Variants in DACH2 observed in about 807,000 individuals in gnomAD.
DACH2 encodes dachshund homolog 2.
A neutral mutation model predicts 35.8 loss-of-function variants in DACH2; 17 were observed. The ratio of observed to expected loss-of-function variants is 0.48; its 90% CI spans 0.33 to 0.71. The LOEUF (loss-of-function observed/expected upper bound fraction) is 0.71. Among genes scored for constraint, DACH2 ranks in the 30% least tolerant of loss-of-function variants. The probability of loss-of-function intolerance (pLI) is 0.02; values close to 1 mark genes in which losing one functional copy is unlikely to be tolerated. For synonymous variants in DACH2, 195 were observed against 177.3 expected, an observed-to-expected ratio of 1.10 and a Z score of -0.79; for missense variants, 469 against 472.7, an observed-to-expected ratio of 0.99 and a Z score of 0.07.
intron 1 of DACH2, among the ~76,000 whole-genome samples, chrX:86,356,980 C>T (rs1238413800): frequency 9.0e-6 from 1 of 111,005 alleles, no homozygotes; most frequent in Non-Finnish European, 1.9e-5. Context: ...TCTGAGTCTC[C>T]ATAGTCCATT....
chrX:86,781,980 G>A (rs942690473), intron 7 of DACH2, among the ~76,000 whole-genome samples: 3 of 112,075 alleles, frequency 2.7e-5, no homozygotes, highest in Non-Finnish European at 5.6e-5. Flanking sequence ...AACAAATTCA[G>A]TAAAGTTGCA....
rs759376672 is a variant in DACH2 at position 86,253,924 on chromosome X, A to G, written c.488+104816A>G. ...TTATATTATTTGTAATTTTTGACAC[A>G]TTGGTTGATAAGCTTCTAATATTTA... On this transcript the variant is annotated intron_variant, in intron 1 of 11. Coordinates refer to ENST00000373125, the MANE Select transcript of DACH2 (RefSeq NM_053281.3). Among the ~76,000 whole-genome samples, 26 of 112,263 alleles carry G rather than the reference A, an allele frequency of 2.3e-4. No homozygotes were observed. The South Asian group carries it at 8.7e-3, about 37-fold the overall frequency.
chrX:86,543,333 G>T (rs760898984), intron 3 of DACH2, among the ~76,000 whole-genome samples: 21 of 111,682 alleles, frequency 1.9e-4, no homozygotes, highest in African/African-American at 6.5e-4. Context: ...GCAATCCAAA[G>T]GATAGCAACT....
intron 1 of DACH2, among the ~76,000 whole-genome samples, chrX:86,248,036 C>T (rs1480923771): frequency 1.8e-5 from 2 of 110,289 alleles, no homozygotes; most frequent in Non-Finnish European, 3.8e-5. Flanking sequence ...TAAAAAAATA[C>T]CTCAAAATAA....
chrX:86,406,535 G>A (rs998122279), intron 2 of DACH2, among the ~76,000 whole-genome samples: 35 of 112,111 alleles, frequency 3.1e-4, no homozygotes, highest in African/African-American at 1.1e-3. Flanking sequence ...AATCTAAAAT[G>A]AAAGTTGAAA....
At chrX:86,183,890 T>C (rs933641322) in intron 1 of DACH2, among the ~76,000 whole-genome samples, 2 of 111,626 alleles carry the variant, frequency 1.8e-5, no homozygotes, top group Non-Finnish European at 3.8e-5. Flanking sequence ...GACTTCTTCC[T>C]GGTTTAGACT....
intron 3 of DACH2, among the ~76,000 whole-genome samples, chrX:86,554,723 C>T (rs1257893964): frequency 9.0e-6 from 1 of 111,473 alleles, no homozygotes; most frequent in Non-Finnish European, 1.9e-5. Flanking sequence ...TTTATCTTCT[C>T]CAAGGAATAT....
chrX:86,673,006 A>G (rs2040782805), intron 4 of DACH2, among the ~76,000 whole-genome samples: 2 of 112,203 alleles, frequency 1.8e-5, no homozygotes, highest in East Asian at 2.8e-4. Context: ...GCCCCCTTGC[A>G]TAAGTGTGGT....
chrX:86,726,066 A>G (rs372895944), intron 6 of DACH2, among the ~76,000 whole-genome samples: 175 of 111,458 alleles, frequency 1.6e-3, no homozygotes, highest in Non-Finnish European at 3.0e-3. Flanking sequence ...GGTTGTCCTC[A>G]TGACACCAGT....
intron 3 of DACH2, among the ~76,000 whole-genome samples, chrX:86,569,830 T>A (rs1236707887): frequency 9.0e-6 from 1 of 111,504 alleles, no homozygotes; most frequent in East Asian, 2.8e-4. Context: ...AACATTTTTC[T>A]CAATATATCC....
chrX:86,515,840 G>A (rs1364424744), intron 3 of DACH2, among the ~76,000 whole-genome samples: 3 of 112,631 alleles, frequency 2.7e-5, no homozygotes, highest in African/African-American at 9.7e-5. Flanking sequence ...AGGGTTGATA[G>A]CAATGAAGGT....
At chrX:86,812,228 A>G (rs2042401356) in intron 7 of DACH2, among the ~76,000 whole-genome samples, 2 of 112,096 alleles carry the variant, frequency 1.8e-5, no homozygotes, top group Admixed American at 1.9e-4. Context: ...GATTCTATTT[A>G]TATGAAACAT....
chrX:86,749,980 A>G (rs2041754773), intron 7 of DACH2, among the ~76,000 whole-genome samples: 1 of 110,994 alleles, frequency 9.0e-6, no homozygotes. Flanking sequence ...TAGATTCTTT[A>G]CAATTTTTTT....
chrX:86,459,692 G>C (rs2037534299), intron 2 of DACH2, among the ~76,000 whole-genome samples: 1 of 111,228 alleles, frequency 9.0e-6, no homozygotes, highest in Non-Finnish European at 1.9e-5. Flanking sequence ...CAAATCTAAT[G>C]GTTAGCATGG....
chrX:86,319,627 G>A (rs778496890), intron 1 of DACH2, among the ~76,000 whole-genome samples: 1 of 111,931 alleles, frequency 8.9e-6, no homozygotes, highest in South Asian at 3.7e-4. Context: ...AGCAAACCTA[G>A]TATCTGACCT....
rs773124086 is a variant in DACH2, at chrX:86,528,522, G to A, written c.640+14131G>A. Among the ~76,000 whole-genome samples, 18 of 111,638 alleles carry A rather than the reference G, an allele frequency of 1.6e-4. No individual in the cohort carries two copies. In the South Asian group the frequency reaches 4.5e-3, roughly 28 times the overall value. ...TAAGATATTACACCTCATTGTAAAC[G>A]TGTGAATTGAATTCTAAGCTTAATT... is the stretch of plus-strand genomic sequence containing the variant. On this transcript the variant is annotated intron_variant, in intron 3 of 11. Transcript: ENST00000373125.
intron 7 of DACH2, among the ~76,000 whole-genome samples, chrX:86,812,209 G>A (rs754507842): frequency 1.1e-3 from 125 of 111,862 alleles, no homozygotes; most frequent in Non-Finnish European, 2.1e-3. Flanking sequence ...AAAAAACCAT[G>A]TATCGTAGGA....
chrX:86,771,890 C>T (rs1303529926), intron 7 of DACH2, among the ~76,000 whole-genome samples: 1 of 111,644 alleles, frequency 9.0e-6, no homozygotes, highest in African/African-American at 3.3e-5. Flanking sequence ...AAAACCAAAG[C>T]CTCATCATTC....
chrX:86,532,222 T>A (rs2038732009), intron 3 of DACH2, among the ~76,000 whole-genome samples: 1 of 112,011 alleles, frequency 8.9e-6, no homozygotes, highest in Non-Finnish European at 1.9e-5. Flanking sequence ...AATGCTGGAA[T>A]GAGTTAAGAT....
Sources: gnomAD v4.1 joint callset for allele counts (sites outside exome capture counted in the v4.1 genomes callset) on GRCh38, gnomAD v4.1.1 for gene constraint, MANE v1.5 for transcripts, NCBI Gene and HGNC (gene_info 2026-07-23, HGNC 2026-07-21) for gene names.